The following MAGI1 variants were observed in gnomAD, a reference collection of about 807,000 sequenced individuals.
The protein encoded by MAGI1 is membrane-associated guanylate kinase, WW and PDZ domain-containing protein 1.
A neutral mutation model predicts 139.9 loss-of-function variants in MAGI1; 58 were observed. The ratio of observed to expected loss-of-function variants is 0.41; its 90% CI spans 0.34 to 0.52. MAGI1 has a LOEUF of 0.52. Among genes scored for constraint, MAGI1 ranks in the 20% least tolerant of loss-of-function variants. MAGI1 has a pLI of 0.12. For synonymous variants in MAGI1, 812 were observed against 737.9 expected (o/e 1.10, Z -1.63); for missense variants, 1,874 against 1,901.6 (o/e 0.99, Z 0.27).
At chr3:65,597,578 C>A in intron 2 of MAGI1, 1 of 433,348 alleles carries the variant, frequency 2.3e-6, no homozygotes, top group Non-Finnish European at 4.8e-6. Context: ...AGCCATCTGG[C>A]CCTCCCAAGC....
intron 12 of MAGI1, among the ~76,000 whole-genome samples, chr3:65,403,211 T>C (rs191707219): frequency 1.8e-3 from 274 of 152,272 alleles, no homozygotes; most frequent in African/African-American, 6.3e-3. Context: ...GCCTCCTACC[T>C]GGCACAGAGG....
At chr3:65,862,546 A>G (rs1367553035) in intron 1 of MAGI1, among the ~76,000 whole-genome samples, 1 of 152,190 alleles carries the variant, frequency 6.6e-6, no homozygotes, top group South Asian at 2.1e-4. Context: ...CCTAGTTTCT[A>G]TTCCACAGCC....
intron 1 of MAGI1, among the ~76,000 whole-genome samples, chr3:65,850,508 A>T (rs1344849656): frequency 1.3e-5 from 2 of 152,194 alleles, no homozygotes; most frequent in African/African-American, 2.4e-5. Context: ...TAAAGATACA[A>T]GGGAGGAACA....
intron 1 of MAGI1, among the ~76,000 whole-genome samples, chr3:65,892,820 C>G (rs1178826798): frequency 6.6e-6 from 1 of 152,138 alleles, no homozygotes; most frequent in Admixed American, 6.5e-5. Flanking sequence ...ATGGGCTCTT[C>G]TTTAACAATG....
At chr3:65,741,176 T>C (rs866919784) in intron 1 of MAGI1, among the ~76,000 whole-genome samples, 1 of 136,130 alleles carries the variant, frequency 7.3e-6, no homozygotes, top group Non-Finnish European at 1.6e-5. Context: ...TTGCTATTAT[T>C]GATTTTTTTT....
intron 2 of MAGI1, among the ~76,000 whole-genome samples, chr3:65,530,661 GTATATA>G (rs1296422725): frequency 4.3e-5 from 4 of 92,884 alleles, no homozygotes; most frequent in East Asian, 3.2e-4. Context: ...GTGTGTGTGT[GTATATA>G]TATATACATA....
chr3:65,415,982 T>C (rs776456973), intron 12 of MAGI1, among the ~76,000 whole-genome samples: 27 of 152,148 alleles, frequency 1.8e-4, no homozygotes, highest in Non-Finnish European at 2.1e-4. Flanking sequence ...ATTTTTTCAA[T>C]GCAATCATCT....
chr3:65,361,761 G>T (rs1273813665), intron 21 of MAGI1, among the ~76,000 whole-genome samples: 1 of 152,184 alleles, frequency 6.6e-6, no homozygotes, highest in East Asian at 1.9e-4. Flanking sequence ...TTTGTCATCT[G>T]TCTTACTTGC....
At chr3:65,611,361 T>C (rs1483610593) in intron 2 of MAGI1, among the ~76,000 whole-genome samples, 1 of 143,692 alleles carries the variant, frequency 7.0e-6, no homozygotes, top group African/African-American at 2.5e-5. Flanking sequence ...GTATACTATA[T>C]ACAGTATATA....
chr3:65,682,490 C>A (rs1052655210), intron 1 of MAGI1, among the ~76,000 whole-genome samples: 5 of 152,150 alleles, frequency 3.3e-5, no homozygotes, highest in Non-Finnish European at 5.9e-5. Context: ...ACAAATGGAG[C>A]TACAGCAAGT....
intron 1 of MAGI1, among the ~76,000 whole-genome samples, chr3:65,705,291 G>C (rs1415548859): frequency 6.9e-6 from 1 of 145,728 alleles, no homozygotes; most frequent in Non-Finnish European, 1.5e-5. Context: ...TCACAAAGTG[G>C]TTAACATTCA....
chr3:65,965,679 TTTTG>T (rs544394864), intron 1 of MAGI1, among the ~76,000 whole-genome samples: 90 of 151,580 alleles, frequency 5.9e-4, no homozygotes, highest in East Asian at 2.3e-3. Context: ...TTCTTTTTGG[TTTTG>T]TTTGTTTGTT....
At chr3:65,985,648 C>T (rs1179781539) in intron 1 of MAGI1, among the ~76,000 whole-genome samples, 4 of 152,134 alleles carry the variant, frequency 2.6e-5, no homozygotes, top group African/African-American at 9.7e-5. Context: ...AACATCGTTT[C>T]CAGTATTTGA....
At chr3:65,491,839 A>G (rs1291023901) in intron 3 of MAGI1, among the ~76,000 whole-genome samples, 1 of 152,058 alleles carries the variant, frequency 6.6e-6, no homozygotes, top group Non-Finnish European at 1.5e-5. Flanking sequence ...ACAAACAAAC[A>G]AAAATTCCTG....
chr3:65,950,862 G>A (rs987933054), intron 1 of MAGI1, among the ~76,000 whole-genome samples: 2 of 152,062 alleles, frequency 1.3e-5, no homozygotes, highest in South Asian at 4.1e-4. Flanking sequence ...CAGGGCAGGG[G>A]TGTCCATTCT....
At chr3:65,525,592 C>T (rs867988598) in intron 2 of MAGI1, among the ~76,000 whole-genome samples, 3 of 152,248 alleles carry the variant, frequency 2.0e-5, no homozygotes, top group South Asian at 2.1e-4. Context: ...TTACTTTCAA[C>T]GAATGCTCTG....
At chr3:65,699,278 G>A (rs2089438710) in intron 1 of MAGI1, among the ~76,000 whole-genome samples, 1 of 125,894 alleles carries the variant, frequency 7.9e-6, no homozygotes, top group Admixed American at 7.7e-5. Context: ...CACTGTTGGT[G>A]GGACTGTAAA....
intron 1 of MAGI1, among the ~76,000 whole-genome samples, chr3:65,834,866 T>A (rs72907577): frequency 0.016 from 2,381 of 152,332 alleles, 57 homozygotes; most frequent in African/African-American, 0.054. Flanking sequence ...TTACTTGCTA[T>A]GAAGTCTACT....
intron 4 of MAGI1, among the ~76,000 whole-genome samples, chr3:65,472,309 G>C (rs957679372): frequency 6.6e-6 from 1 of 152,128 alleles, no homozygotes; most frequent in Non-Finnish European, 1.5e-5. Context: ...TCACACTTAA[G>C]TGCATAAAAG....
Sources: allele counts gnomAD v4.1 joint callset (sites outside exome capture counted in the v4.1 genomes callset), GRCh38; gene constraint gnomAD v4.1.1; transcripts MANE v1.5; gene names NCBI Gene and HGNC (gene_info 2026-07-23, HGNC 2026-07-21).